DDX10: variants seen among roughly 807,000 people sequenced by gnomAD.
DDX10 encodes the protein probable ATP-dependent RNA helicase DDX10.
A neutral mutation model predicts 104.3 loss-of-function variants in DDX10; 74 were observed. The observed-to-expected ratio is 0.71, with a 90% CI of 0.59 to 0.86. The LOEUF (loss-of-function observed/expected upper bound fraction) is 0.86. Among genes scored for constraint, DDX10 ranks in the 40% least tolerant of loss-of-function variants. DDX10 has a pLI of 0.00. For missense variants in DDX10, 952 were observed against 1,040.0 expected, an observed-to-expected ratio of 0.92 and a Z score of 1.16; for synonymous variants, 351 against 353.4, an observed-to-expected ratio of 0.99 and a Z score of 0.08.
intron 13 of DDX10, among the ~76,000 whole-genome samples, chr11:108,750,733 A>G (rs2094337447): frequency 6.6e-6 from 1 of 150,930 alleles, no homozygotes; most frequent in Non-Finnish European, 1.5e-5. Flanking sequence ...AATTTCATAT[A>G]TATTTTATAT....
At chr11:108,735,513 A>C (rs1163272877) in intron 13 of DDX10, among the ~76,000 whole-genome samples, 1 of 152,106 alleles carries the variant, frequency 6.6e-6, no homozygotes, top group Non-Finnish European at 1.5e-5. Flanking sequence ...GAGGGTGTAT[A>C]AGGCACTCTT....
At chr11:108,896,886 G>A (rs1295314723) in intron 16 of DDX10, among the ~76,000 whole-genome samples, 2 of 151,012 alleles carry the variant, frequency 1.3e-5, no homozygotes, top group East Asian at 3.9e-4. Context: ...AATCCCTGTA[G>A]AGAAATAGGA....
rs559688674 is a variant in DDX10 at position 108,687,228 on chromosome 11, C to T, written c.849-1708C>T. ...GTGTCGTCACTGTTCTGGATTTTGG[C>T]CATCTAATAAGTGTGAAGTGACATA... On this transcript the variant is annotated intron_variant, in intron 6 of 17. Transcript: ENST00000322536. Among the ~76,000 whole-genome samples the T allele has an allele frequency of 9.8e-5, 15 of 152,292 alleles. No individual in the cohort carries two copies. The South Asian group carries it at 2.3e-3, about 23-fold the overall frequency.
intron 13 of DDX10, among the ~76,000 whole-genome samples, chr11:108,826,765 A>G (rs1862401203): frequency 1.3e-5 from 2 of 152,206 alleles, no homozygotes; most frequent in South Asian, 4.1e-4. Flanking sequence ...CTCTGGGTCC[A>G]ACCTCATTGA....
intron 13 of DDX10, among the ~76,000 whole-genome samples, chr11:108,799,607 G>A (rs969432074): frequency 7.4e-4 from 113 of 152,164 alleles, no homozygotes; most frequent in Non-Finnish European, 1.9e-4. Context: ...TTGCTTTAGG[G>A]CATTAAGTGT....
chr11:108,701,963 C>T (rs745786586), intron 9 of DDX10, among the ~76,000 whole-genome samples: 3 of 152,206 alleles, frequency 2.0e-5, no homozygotes, highest in African/African-American at 7.2e-5. Context: ...GGGTTACAGG[C>T]GTGAACCACT....
intron 13 of DDX10, among the ~76,000 whole-genome samples, chr11:108,828,332 T>A (rs1463579675): frequency 6.6e-6 from 1 of 152,104 alleles, no homozygotes; most frequent in African/African-American, 2.4e-5. Context: ...GTCTCCAAAG[T>A]CCAATGTATA....
chr11:108,726,976 G>A (rs61914010), intron 13 of DDX10, among the ~76,000 whole-genome samples: 18,690 of 151,992 alleles, frequency 0.12, 1,560 homozygotes, highest in East Asian at 0.27. Flanking sequence ...TGATTATGGT[G>A]TATTGATTTC....
intron 16 of DDX10, among the ~76,000 whole-genome samples, chr11:108,887,474 A>T (rs1302238776): frequency 1.3e-5 from 2 of 151,610 alleles, no homozygotes; most frequent in Non-Finnish European, 2.9e-5. Flanking sequence ...TCTTAAAAAA[A>T]AAGAAAAAAC....
chr11:108,832,214 TA>T, intron 13 of DDX10, among the ~76,000 whole-genome samples: 1 of 136,300 alleles, frequency 7.3e-6, no homozygotes, highest in Admixed American at 7.5e-5. Context: ...GTCATTTTTT[TA>T]AAAATTCTAA....
rs570860051 is a variant in DDX10 at position 108,900,139 on chromosome 11, G to A, written c.2305-17734G>A. 4.0e-5 allele frequency among the ~76,000 whole-genome samples: 6 copies of A among 151,578 alleles called. 1 individual carries two copies. The highest frequency in any genetic ancestry group is 4.2e-4 in the South Asian group (2 of 4,796). On this transcript the variant is annotated intron_variant, in intron 16 of 17. Transcript: ENST00000322536. ...AAAAAAAAAAAAGTGTGGTTCTTCCGTCCTCCCCTCGCTCCTGTTCTTGCC... is the reference window on the plus strand; with the variant it reads ...AAAAAAAAAAAAGTGTGGTTCTTCCATCCTCCCCTCGCTCCTGTTCTTGCC...
At chr11:108,669,724 C>G (rs1462973177) in intron 1 of DDX10, among the ~76,000 whole-genome samples, 1 of 152,120 alleles carries the variant, frequency 6.6e-6, no homozygotes. Flanking sequence ...GGCGATTATC[C>G]TGGATTAGGT....
At chr11:108,832,893 T>C (rs1224598660) in intron 13 of DDX10, among the ~76,000 whole-genome samples, 1 of 152,222 alleles carries the variant, frequency 6.6e-6, no homozygotes, top group Non-Finnish European at 1.5e-5. Context: ...GTTTTTCCTG[T>C]GTACTTGAAT....
chr11:108,787,704 G>A (rs1861814509), intron 13 of DDX10, among the ~76,000 whole-genome samples: 1 of 152,002 alleles, frequency 6.6e-6, no homozygotes, highest in South Asian at 2.1e-4. Flanking sequence ...AGGCTGAGGT[G>A]GGCGGATCAC....
chr11:108,841,164 C>A, intron 14 of DDX10, 151 bp from the exon 15 acceptor site: 1 of 636,064 alleles, frequency 1.6e-6, no homozygotes, highest in Non-Finnish European at 2.7e-6. Flanking sequence ...TCTTCTATGG[C>A]TTGAAGTTGA....
intron 16 of DDX10, among the ~76,000 whole-genome samples, chr11:108,901,145 G>C (rs368893863): frequency 6.6e-6 from 1 of 151,992 alleles, no homozygotes; most frequent in Admixed American, 6.6e-5. Context: ...TGCCTCCTTC[G>C]TTTTAGAATA....
At chr11:108,868,001 T>C (rs1242752332) in intron 16 of DDX10, among the ~76,000 whole-genome samples, 1 of 152,160 alleles carries the variant, frequency 6.6e-6, no homozygotes, top group African/African-American at 2.4e-5. Flanking sequence ...GAATGGTAGC[T>C]TGAGGAAACT....
At chr11:108,928,386 G>T (rs1863935023) in intron 17 of DDX10, among the ~76,000 whole-genome samples, 1 of 152,186 alleles carries the variant, frequency 6.6e-6, no homozygotes, top group South Asian at 2.1e-4. Flanking sequence ...TGCTCTAGCA[G>T]GTGTGAGATA....
At chr11:108,932,557 A>T (rs1863988012) in intron 17 of DDX10, among the ~76,000 whole-genome samples, 1 of 152,030 alleles carries the variant, frequency 6.6e-6, no homozygotes, top group African/African-American at 2.4e-5. Context: ...AATGAACAAG[A>T]TGGTTTCCAC....
Sources: gnomAD v4.1 joint callset for allele counts (sites outside exome capture counted in the v4.1 genomes callset) on GRCh38, gnomAD v4.1.1 for gene constraint, MANE v1.5 for transcripts, NCBI Gene and HGNC (gene_info 2026-07-23, HGNC 2026-07-21) for gene names.